ZKSCAN3: variants seen among roughly 807,000 people sequenced by gnomAD.
ZKSCAN3 encodes zinc finger protein with KRAB and SCAN domains 3.
A neutral mutation model predicts 30.7 loss-of-function variants in ZKSCAN3; 21 were observed. The observed-to-expected ratio is 0.68, with a 90% CI of 0.49 to 0.99. The LOEUF is 0.99. Among genes scored for constraint, ZKSCAN3 ranks in the 50% least tolerant of loss-of-function variants. The pLI is 0.00. For synonymous variants in ZKSCAN3, 201 were observed against 246.7 expected (o/e 0.81, Z 1.73); for missense variants, 507 against 647.1 (o/e 0.78, Z 2.35).
At chr6:28,362,361 G>A (rs1765800368) in intron 3 of ZKSCAN3, among the ~76,000 whole-genome samples, 1 of 152,122 alleles carries the variant, frequency 6.6e-6, no homozygotes, top group African/African-American at 2.4e-5. Flanking sequence ...CAAATTAAAG[G>A]GTATAAATCT....
intron 1 of ZKSCAN3, among the ~76,000 whole-genome samples, chr6:28,354,474 A>G (rs1165451600): frequency 2.0e-5 from 3 of 152,114 alleles, no homozygotes; most frequent in South Asian, 2.1e-4. Context: ...CAGGCCTGAC[A>G]TATAAACTTT....
In ZKSCAN3 at chr6:28,359,853, G is replaced by A. The variant is rs2113918460; in HGVS notation, c.267G>A (p.Leu89=). The A allele has an allele frequency of 6.2e-7, 1 of 1,608,940 alleles. No individual in the cohort carries two copies. The highest frequency in any genetic ancestry group is 1.7e-4 in the Middle Eastern group (1 of 5,996). Residue 89 remains leucine (L), a synonymous_variant, in exon 2 of 6, where the codon CTG becomes CTA. Coordinates refer to ENST00000252211, the MANE Select transcript of ZKSCAN3 (RefSeq NM_024493.4). ...MHSKEQILEL[L]VLEQFLTILP... is the part of the protein sequence containing the mutation. ...GCAAGGAGCAGATCCTGGAGCTGCT[G>A]GTGCTGGAGCAGTTCCTGACCATCC...
intron 2 of ZKSCAN3, chr6:28,360,490 T>C (rs1402997188): frequency 1.3e-6 from 1 of 796,672 alleles, no homozygotes; most frequent in Non-Finnish European, 1.5e-6. Flanking sequence ...AGATTAGCTT[T>C]TGTCCTGTTC....
rs1765759925 is a variant in ZKSCAN3, at chr6:28,361,321, T to C, written c.403-3T>C. ...CATGAAAATAAGAACAAATGATTTC[T>C]AGGTTTCAGGTGTTGACCAGGGGCA... is the stretch of plus-strand genomic sequence containing the variant. On this transcript the variant is annotated splice_region_variant and splice_polypyrimidine_tract_variant and intron_variant, in intron 2 of 5. Transcript: ENST00000252211. 2 of 1,611,082 alleles carry C rather than the reference T, an allele frequency of 1.2e-6. No individual in the cohort carries two copies. Among genetic ancestry groups the C allele is most frequent in the African/African-American group, 2.7e-5 (2 of 74,794 alleles).
At position 28,351,241 on chromosome 6, in the gene ZKSCAN3, C is replaced by T. The variant is rs1190834491; in HGVS notation, c.-63+1174C>T. Among the ~76,000 whole-genome samples, 1 of 152,146 alleles carries T rather than the reference C, an allele frequency of 6.6e-6. No individual in the cohort carries two copies. Among genetic ancestry groups the T allele is most frequent in the Non-Finnish European group, 1.5e-5 (1 of 68,024 alleles). On this transcript the variant is annotated intron_variant, in intron 1 of 5. Transcript: ENST00000252211. The surrounding 1 kb of genome is among the most constrained non-coding windows in gnomAD (Gnocchi z 4.6). ...AGTTTGGCTCAGATCCAAGTAGGGG[C>T]CAGGTAGTGAAACCTAAATGGAGTT...
intron 3 of ZKSCAN3, among the ~76,000 whole-genome samples, chr6:28,362,535 A>T (rs188000594): frequency 2.1e-4 from 32 of 152,320 alleles, no homozygotes; most frequent in Non-Finnish European, 3.1e-4. Flanking sequence ...ATTTTTAAAC[A>T]GAGGTTCTAG....
rs755802584 is a variant in ZKSCAN3, at chr6:28,359,763, C to A, written c.177C>A (p.Gly59=). ...GCTTCCGCTACCCGGAGGCTGCAGGCCCCCGCGAGGCGCTGAGTCGGCTCC... is the reference window on the plus strand; with the variant it reads ...GCTTCCGCTACCCGGAGGCTGCAGGACCCCGCGAGGCGCTGAGTCGGCTCC... ...FRGFRYPEAA[G]PREALSRLRE... is the part of the protein sequence containing the mutation. The change falls in exon 2 of 6, where the codon GGC becomes GGA. Residue 59 remains glycine, a synonymous_variant. Coordinates refer to ENST00000252211, the MANE Select transcript of ZKSCAN3 (RefSeq NM_024493.4). 5.6e-6 allele frequency: 9 copies of A among 1,614,058 alleles called. No homozygotes were observed. Among genetic ancestry groups the A allele is most frequent in the Non-Finnish European group, 6.8e-6 (8 of 1,180,036 alleles).
At position 28,363,284 on chromosome 6, in the gene ZKSCAN3, G is replaced by A. The variant is rs1345808601; in HGVS notation, c.551-19G>A. On this transcript the variant is annotated intron_variant, in intron 3 of 5. Transcript: ENST00000252211. The stretch of plus-strand genomic sequence containing the variant: ...TGAATGCCAGGGTACATCTCATCCA[G>A]AGCTTCTTTCCTTCTTAGTTCTCCA... 1 of 1,611,410 alleles carries A rather than the reference G, an allele frequency of 6.2e-7. No individual in the cohort carries two copies. The highest frequency in any genetic ancestry group is 2.2e-5 in the East Asian group (1 of 44,868).
intron 2 of ZKSCAN3, 93 bp from the exon 3 acceptor site, chr6:28,361,231 A>T: frequency 1.5e-6 from 2 of 1,367,666 alleles, no homozygotes; most frequent in Admixed American, 2.4e-5. Context: ...ATGAGTTAAC[A>T]TTTATAATGC....
intron 1 of ZKSCAN3, chr6:28,353,865 T>C (rs1277590266): frequency 4.4e-6 from 2 of 456,822 alleles, no homozygotes; most frequent in Non-Finnish European, 8.8e-6. Context: ...TACTTACCAC[T>C]GTCATGCCAA....
intron 1 of ZKSCAN3, among the ~76,000 whole-genome samples, chr6:28,358,476 T>C (rs948179897): frequency 3.9e-5 from 6 of 152,348 alleles, no homozygotes; most frequent in African/African-American, 1.2e-4. Context: ...TATTTTTTTT[T>C]CCCAGATATT....
rs1766027376 is a variant in ZKSCAN3, at chr6:28,367,798, C to G, written c.*1513C>G. The G allele has an allele frequency of 6.6e-6, 1 of 151,744 alleles. No individual in the cohort carries two copies. Among genetic ancestry groups the G allele is most frequent in the African/African-American group, 2.4e-5 (1 of 41,244 alleles). 9.4% of individuals were successfully genotyped at this position (151,744 alleles called of 1,614,324 possible). A position where few individuals can be genotyped will look rare whatever the true frequency, so the allele number is the denominator to read the frequency against. Reference sequence around the variant, plus strand: ...GCAGTGGCGCGATCTCGGCTCACTGCAAGCTCCGCCTCCCAGGTTCCTGCC... The same window carrying G: ...GCAGTGGCGCGATCTCGGCTCACTGGAAGCTCCGCCTCCCAGGTTCCTGCC... On this transcript the variant is annotated 3_prime_UTR_variant, in exon 6 of 6. Coordinates refer to ENST00000252211, the MANE Select transcript of ZKSCAN3 (RefSeq NM_024493.4).
chr6:28,363,124 C>CAATTAT (rs1765827641), intron 3 of ZKSCAN3, among the ~76,000 whole-genome samples, 179 bp from the exon 4 acceptor site: 1 of 152,152 alleles, frequency 6.6e-6, no homozygotes, highest in Admixed American at 6.5e-5. Context: ...GAGACAGGGT[C>CAATTAT]TTACTTTGTT....
chr6:28,350,728 A>G (rs1052869211), intron 1 of ZKSCAN3, among the ~76,000 whole-genome samples: 4 of 152,188 alleles, frequency 2.6e-5, no homozygotes, highest in African/African-American at 9.6e-5. Flanking sequence ...TTTTACTGTC[A>G]TTCATCAATT....
Position 28,368,603 on chromosome 6 carries a change from T to G in ZKSCAN3, c.*2318T>G, listed in dbSNP as rs1029569723. On this transcript the variant is annotated 3_prime_UTR_variant, in exon 6 of 6. Coordinates refer to ENST00000252211, the MANE Select transcript of ZKSCAN3 (RefSeq NM_024493.4). ...TTCTACAAAAGTATTTCGGAATGAC[T>G]ATTCTGCTGCAAACTTTTGTGTAAG... is the stretch of plus-strand genomic sequence containing the variant. The G allele has an allele frequency of 2.0e-5, 3 of 146,986 alleles. No individual in the cohort carries two copies. Among genetic ancestry groups the G allele is most frequent in the Middle Eastern group, 6.1e-4 (1 of 1,644 alleles). 9.1% of individuals were successfully genotyped at this position (146,986 alleles called of 1,614,324 possible).
intron 1 of ZKSCAN3, among the ~76,000 whole-genome samples, chr6:28,356,963 G>A (rs558922261): frequency 6.6e-6 from 1 of 152,354 alleles, no homozygotes; most frequent in South Asian, 2.1e-4. Flanking sequence ...AGGTCCAAGG[G>A]GAGTGGGTGG....
At position 28,363,826 on chromosome 6, in the gene ZKSCAN3, A is replaced by G; in HGVS notation, c.757+11A>G. 2 of 1,612,896 alleles carry G rather than the reference A, an allele frequency of 1.2e-6. No individual in the cohort carries two copies. The highest frequency in any genetic ancestry group is 1.7e-6 in the Non-Finnish European group (2 of 1,179,308). Reference sequence around the variant, plus strand: ...GCCTGGTCTCCCTGGGTAAGACTAAAGGACACTAATTTCTGTTAAGGTTTC... The same window carrying G: ...GCCTGGTCTCCCTGGGTAAGACTAAGGGACACTAATTTCTGTTAAGGTTTC... On this transcript the variant is annotated intron_variant, in intron 5 of 5. Transcript: ENST00000252211.
rs1005590661 is a variant in ZKSCAN3 at position 28,351,528 on chromosome 6, A to G, written c.-63+1461A>G. On this transcript the variant is annotated intron_variant, in intron 1 of 5. Transcript: ENST00000252211. The surrounding 1 kb of genome is among the most constrained non-coding windows in gnomAD (Gnocchi z 4.6). ...ATTTAATTGTAGAGAGAATGTTACA[A>G]TGAACACCAATATAACCATGACTCA... is the stretch of plus-strand genomic sequence containing the variant. Among the ~76,000 whole-genome samples, 1 of 152,202 alleles carries G rather than the reference A, an allele frequency of 6.6e-6. No homozygotes were observed. The highest frequency in any genetic ancestry group is 1.5e-5 in the Non-Finnish European group (1 of 68,034).
chr6:28,359,472 G>A (rs928161815), intron 1 of ZKSCAN3, 53 bp from the exon 2 acceptor site: 3 of 1,347,226 alleles, frequency 2.2e-6, no homozygotes, highest in African/African-American at 2.9e-5. Flanking sequence ...CTGGGCAGGA[G>A]AGAAGGGACT....
Sources: allele counts gnomAD v4.1 joint callset (sites outside exome capture counted in the v4.1 genomes callset), GRCh38; gene constraint gnomAD v4.1.1; non-coding constraint Gnocchi (gnomAD v3.1); transcripts MANE v1.5; gene names NCBI Gene and HGNC (gene_info 2026-07-23, HGNC 2026-07-21).